LDB2: variants seen among roughly 807,000 people sequenced by gnomAD.
LDB2 encodes LIM domain-binding protein 2.
A neutral mutation model predicts 44.3 loss-of-function variants in LDB2; 12 were observed. The observed-to-expected ratio is 0.27, with a 90% confidence interval of 0.17 to 0.44. The LOEUF (loss-of-function observed/expected upper bound fraction) is 0.44, where lower values mean the gene tolerates loss of function less well. Among genes scored for constraint, LDB2 ranks in the 20% least tolerant of loss-of-function variants. LDB2 has a pLI of 1.00. For missense variants in LDB2, 344 were observed against 473.5 expected (o/e 0.73, Z 2.54); for synonymous variants, 164 against 174.8 (o/e 0.94, Z 0.49).
At chr4:16,599,386 T>C (rs11931315) in intron 2 of LDB2, among the ~76,000 whole-genome samples, 58,766 of 152,072 alleles carry the variant, frequency 0.39, 11,730 homozygotes, top group East Asian at 0.59. Context: ...ATTCTCACTC[T>C]GTCTTCTGCC....
intron 2 of LDB2, among the ~76,000 whole-genome samples, chr4:16,725,303 C>CAG (rs374357073): frequency 3.3e-5 from 5 of 151,022 alleles, no homozygotes; most frequent in Admixed American, 1.3e-4. Flanking sequence ...GAGAGAAAGA[C>CAG]AGAGAGAGAG....
At chr4:16,697,497 A>G (rs1399018236) in intron 2 of LDB2, among the ~76,000 whole-genome samples, 1 of 151,168 alleles carries the variant, frequency 6.6e-6, no homozygotes, top group Non-Finnish European at 1.5e-5. Flanking sequence ...CTCCCTGTGA[A>G]ATTCCCCACC....
chr4:16,890,938 A>G (rs1414921996), intron 1 of LDB2, among the ~76,000 whole-genome samples: 2 of 152,152 alleles, frequency 1.3e-5, no homozygotes, highest in African/African-American at 4.8e-5. Context: ...GAGTAGATTA[A>G]ACTAAGATCC....
chr4:16,862,235 CA>C (rs1295831955), intron 1 of LDB2, among the ~76,000 whole-genome samples: 1 of 151,260 alleles, frequency 6.6e-6, no homozygotes, highest in Non-Finnish European at 1.5e-5. Flanking sequence ...AGTAATACAT[CA>C]TTTTTTTCAA....
In LDB2 at chr4:16,672,834, TC is replaced by T. The variant is rs879518645; in HGVS notation, c.236-76960del. 1.4e-3 allele frequency among the ~76,000 whole-genome samples: 203 copies of T among 149,898 alleles called. 2 individuals are homozygous for T. The highest frequency in any genetic ancestry group is 1.8e-3 in the Non-Finnish European group (124 of 67,300). The stretch of plus-strand genomic sequence containing the variant: ...TGCGTGCCTGCCTGCCTGCCTTCTT[TC>T]CTTCCTTCCTTCCTTCCTTTCCTCC... On this transcript the variant is annotated intron_variant, in intron 2 of 7. Transcript: ENST00000304523.
At chr4:16,879,286 A>C (rs1719350108) in intron 1 of LDB2, among the ~76,000 whole-genome samples, 1 of 152,208 alleles carries the variant, frequency 6.6e-6, no homozygotes. Context: ...GCATTTTGGC[A>C]GGAGAGGATG....
chr4:16,591,359 C>G (rs950028353), intron 3 of LDB2, among the ~76,000 whole-genome samples: 17 of 152,160 alleles, frequency 1.1e-4, no homozygotes, highest in African/African-American at 3.9e-4. Flanking sequence ...AGTTGGGGAC[C>G]TTTCTTGCAG....
chr4:16,602,200 C>T (rs12186331), intron 2 of LDB2, among the ~76,000 whole-genome samples: 69,165 of 151,934 alleles, frequency 0.46, 15,952 homozygotes, highest in Middle Eastern at 0.63. Context: ...TAGAAATAGA[C>T]GAGTAAGGAG....
intron 7 of LDB2, chr4:16,506,553 G>A (rs1719518919): frequency 6.6e-6 from 1 of 152,384 alleles, no homozygotes; most frequent in Non-Finnish European, 1.5e-5. Context: ...TAGACCATAT[G>A]TGTCAAAACA....
intron 2 of LDB2, among the ~76,000 whole-genome samples, chr4:16,664,379 G>T (rs1334103872): frequency 6.6e-6 from 1 of 152,162 alleles, no homozygotes; most frequent in Non-Finnish European, 1.5e-5. Context: ...AAGCCACCCA[G>T]TTTATGGTAT....
chr4:16,877,982 C>G (rs73245328), intron 1 of LDB2, among the ~76,000 whole-genome samples: 1 of 151,654 alleles, frequency 6.6e-6, no homozygotes, highest in African/African-American at 2.4e-5. Flanking sequence ...CAAGGAGAAA[C>G]AGAAATAATG....
At chr4:16,574,130 AAAGTAT>A (rs1223064114) in intron 5 of LDB2, among the ~76,000 whole-genome samples, 2 of 152,174 alleles carry the variant, frequency 1.3e-5, no homozygotes, top group African/African-American at 4.8e-5. Flanking sequence ...AATGTTCTTT[AAAGTAT>A]AACAATAACA....
rs548218717 is a variant in LDB2, at chr4:16,529,495, C to T, written c.616-17391G>A. Among the ~76,000 whole-genome samples, 3 of 152,318 alleles carry T rather than the reference C, an allele frequency of 2.0e-5. No homozygotes were observed. The South Asian group carries it at 6.2e-4, about 32-fold the overall frequency. On this transcript the variant is annotated intron_variant, in intron 5 of 7. Transcript: ENST00000304523. ...AGGACCCTGCCTTCTGCCACCACTT[C>T]TCCAGTGTCATTTCAATGTGCATCA... is the stretch of plus-strand genomic sequence containing the variant.
At chr4:16,618,505 G>T (rs1415538328) in intron 2 of LDB2, among the ~76,000 whole-genome samples, 1 of 152,168 alleles carries the variant, frequency 6.6e-6, no homozygotes, top group East Asian at 1.9e-4. Context: ...GTGCATGTGT[G>T]TTTGTGTATG....
chr4:16,877,656 A>G (rs565690620), intron 1 of LDB2, among the ~76,000 whole-genome samples: 77 of 152,362 alleles, frequency 5.1e-4, no homozygotes, highest in African/African-American at 1.8e-3. Context: ...ACATACATAT[A>G]TCAGTAGAAA....
rs972423415 is a variant in LDB2 at position 16,759,274 on chromosome 4, G to C, written c.133-14C>G. 6.4e-7 allele frequency: 1 copy of C among 1,556,470 alleles called. No homozygotes were observed. Among genetic ancestry groups the C allele is most frequent in the Admixed American group, 1.7e-5 (1 of 59,720 alleles). ...GTTGTCACTATCCTGCAAAGAGACA[G>C]ATCATTTATTTAACAAGGGAAAGTG... On this transcript the variant is annotated splice_polypyrimidine_tract_variant and intron_variant, in intron 1 of 7. Coordinates refer to ENST00000304523, the MANE Select transcript of LDB2 (RefSeq NM_001290.5).
chr4:16,519,475 G>A (rs1257832907), intron 5 of LDB2, among the ~76,000 whole-genome samples: 1 of 151,966 alleles, frequency 6.6e-6, no homozygotes, highest in East Asian at 2.0e-4. Flanking sequence ...CTGAATATCA[G>A]TGGCTTAAAT....
intron 2 of LDB2, among the ~76,000 whole-genome samples, chr4:16,749,576 A>T (rs1306501706): frequency 7.3e-6 from 1 of 136,094 alleles, no homozygotes; most frequent in African/African-American, 3.0e-5. Context: ...AAAAAAATAA[A>T]AAAATAAAAA....
intron 2 of LDB2, among the ~76,000 whole-genome samples, chr4:16,619,879 T>A (rs1013601299): frequency 6.6e-6 from 1 of 151,826 alleles, no homozygotes; most frequent in Non-Finnish European, 1.5e-5. Flanking sequence ...GAAGTTAATA[T>A]TAATAGTAAG....
Sources: gnomAD v4.1 joint callset for allele counts (sites outside exome capture counted in the v4.1 genomes callset) on GRCh38, gnomAD v4.1.1 for gene constraint, MANE v1.5 for transcripts, NCBI Gene and HGNC (gene_info 2026-07-23, HGNC 2026-07-21) for gene names.